The following MYOM1 variants were observed in gnomAD, a reference collection of about 807,000 sequenced individuals.
The protein encoded by MYOM1 is myomesin 1.
Under a neutral mutation model 205.3 loss-of-function variants are expected in MYOM1, and 164 were observed. The ratio of observed to expected loss-of-function variants is 0.80; its 90% CI spans 0.70 to 0.91. The LOEUF is 0.91. MYOM1 is among the 40% of genes least tolerant of loss of function. MYOM1 has a pLI of 0.00. For missense variants in MYOM1, 2,011 were observed against 2,127.3 expected, an observed-to-expected ratio of 0.95 and a Z score of 1.08; for synonymous variants, 772 against 789.4, an observed-to-expected ratio of 0.98 and a Z score of 0.37.
chr18:3,203,193 A>G (rs1032979457), intron 2 of MYOM1, among the ~76,000 whole-genome samples: 1 of 151,194 alleles, frequency 6.6e-6, no homozygotes, highest in African/African-American at 2.4e-5. Flanking sequence ...ATTAGAAAAG[A>G]AGATCTCAAA....
chr18:3,200,353 C>T (rs2081049852), intron 2 of MYOM1, among the ~76,000 whole-genome samples: 1 of 152,144 alleles, frequency 6.6e-6, no homozygotes, highest in South Asian at 2.1e-4. Flanking sequence ...ATGTAACCCA[C>T]ACCAATGGGA....
intron 10 of MYOM1, among the ~76,000 whole-genome samples, chr18:3,155,596 A>G (rs1196839923): frequency 1.3e-5 from 2 of 152,188 alleles, no homozygotes; most frequent in East Asian, 1.9e-4. Context: ...TTGTGTCAGA[A>G]AATAGAAAGT....
At chr18:3,245,144 T>C in the MYOM1 span, among the ~76,000 whole-genome samples, 1 of 152,208 alleles carries the variant, frequency 6.6e-6, no homozygotes. Flanking sequence ...CAGTGTGTAG[T>C]ATTTTGTATG....
rs567083538 is a variant in MYOM1 at position 3,114,489 on chromosome 18, C to A, written c.3303+1842G>T. ...GCCTCCCTGGTTCAAGCAATCCTCCCATCTCAGCCTCCTGAGTAGCTGGGA... is the reference window on the plus strand; with the variant it reads ...GCCTCCCTGGTTCAAGCAATCCTCCAATCTCAGCCTCCTGAGTAGCTGGGA... On this transcript the variant is annotated intron_variant, in intron 21 of 37. Transcript: ENST00000356443. Among the ~76,000 whole-genome samples the A allele has an allele frequency of 5.9e-5, 9 of 151,534 alleles. No individual in the cohort carries two copies. In the South Asian group the frequency reaches 1.9e-3, roughly 32 times the overall value.
chr18:3,218,296 T>TA (rs1459182786), intron 1 of MYOM1, among the ~76,000 whole-genome samples: 1 of 152,254 alleles, frequency 6.6e-6, no homozygotes, highest in African/African-American at 2.4e-5. Flanking sequence ...ATGTCATTTT[T>TA]AAAAAAATTC....
intron 10 of MYOM1, among the ~76,000 whole-genome samples, chr18:3,159,458 T>C (rs2144028161): frequency 6.6e-6 from 1 of 152,344 alleles, no homozygotes; most frequent in South Asian, 2.1e-4. Context: ...GGCAGTTTCT[T>C]ACAAAGTTAA....
rs1172914227 is a variant in MYOM1 at position 3,120,124 on chromosome 18, C to T, written c.2992-129G>A. On this transcript the variant is annotated intron_variant, in intron 19 of 37. Transcript: ENST00000356443. ...TAGGGTGACCCTCAATGAGTCACAC[C>T]CCTTTTGTAATCTCCTGGGTGTGGA... is the stretch of plus-strand genomic sequence containing the variant. The T allele has an allele frequency of 9.6e-6, 12 of 1,254,102 alleles. No homozygotes were observed. In the South Asian group the frequency reaches 1.6e-4, roughly 17 times the overall value. The allele number at this position is 1,254,102 out of a possible 1,614,324, so 77.7% of individuals were successfully genotyped here.
In MYOM1 at chr18:3,100,377, A is replaced by G; in HGVS notation, c.3625T>C (p.Ser1209Pro). The G allele has an allele frequency of 6.2e-7, 1 of 1,613,984 alleles. No individual in the cohort carries two copies. Among genetic ancestry groups the G allele is most frequent in the East Asian group, 2.2e-5 (1 of 44,878 alleles). ...CCATCAGTGTCTGTTACATCGCAAGAGTAAATACCCAAGTCATCCATCCCA... is the reference window on the plus strand; with the variant it reads ...CCATCAGTGTCTGTTACATCGCAAGGGTAAATACCCAAGTCATCCATCCCA... ...DLGMDDLGIY[S>P]CDVTDTDGIA... The change falls in exon 24 of 38, where the codon TCT (serine) becomes CCT (proline). Residue 1209 changes from serine (S) to proline (P), a missense_variant. By Grantham distance (74) the Ser-to-Pro change is moderately conservative. Transcript: ENST00000356443.
intron 26 of MYOM1, among the ~76,000 whole-genome samples, chr18:3,092,851 T>G (rs1022895560): frequency 6.6e-6 from 1 of 152,130 alleles, no homozygotes; most frequent in Non-Finnish European, 1.5e-5. Flanking sequence ...CTAAGAAACT[T>G]AAGAGAGCAG....
At chr18:3,083,595 A>ATTTTTTTTTTTTTT (rs59299057) in intron 33 of MYOM1, among the ~76,000 whole-genome samples, 194 bp downstream of exon 33, 1 of 107,152 alleles carries the variant, frequency 9.3e-6, no homozygotes, top group African/African-American at 3.5e-5. Context: ...CGCCCAGCTC[A>ATTTTTTTTTTTTTT]TTTTTTTTTT....
the MYOM1 span, among the ~76,000 whole-genome samples, chr18:3,232,935 T>C: frequency 3.3e-5 from 5 of 152,226 alleles, no homozygotes; most frequent in Non-Finnish European, 5.9e-5. Flanking sequence ...CGTAGTACAA[T>C]CTGATTTGGA....
intron 13 of MYOM1, among the ~76,000 whole-genome samples, chr18:3,142,543 T>C (rs547543175): frequency 1.1e-4 from 16 of 152,232 alleles, no homozygotes; most frequent in African/African-American, 3.9e-4. Context: ...ATTGCTGGGA[T>C]TACAGGTGTG....
chr18:3,193,995 A>C (rs1333462824), intron 2 of MYOM1, 37 bp from the exon 3 acceptor site: 2 of 1,600,430 alleles, frequency 1.2e-6, no homozygotes, highest in African/African-American at 2.7e-5. Context: ...AGTAACAAAA[A>C]AAGGCATTTA....
chr18:3,215,062 G>A lies in MYOM1; in HGVS notation c.162C>T (p.His54=). 1 of 1,613,522 alleles carries A rather than the reference G, an allele frequency of 6.2e-7. No individual in the cohort carries two copies. Among genetic ancestry groups the A allele is most frequent in the Non-Finnish European group, 8.5e-7 (1 of 1,179,786 alleles). Residue 54 remains histidine (H), a synonymous_variant, in exon 2 of 38, where the codon CAC becomes CAT. Coordinates refer to ENST00000356443, the MANE Select transcript of MYOM1 (RefSeq NM_003803.4). ...TAYSSRSSAA[H]RRESEAFRRA... ...GACGGAAGGCCTCGGACTCCCGGCGGTGCGCGGCGGAGGAGCGGCTGCTGT... is the reference window on the plus strand; with the variant it reads ...GACGGAAGGCCTCGGACTCCCGGCGATGCGCGGCGGAGGAGCGGCTGCTGT...
At chr18:3,170,424 A>G (rs2080540290) in intron 8 of MYOM1, among the ~76,000 whole-genome samples, 2 of 152,222 alleles carry the variant, frequency 1.3e-5, no homozygotes, top group Admixed American at 6.5e-5. Flanking sequence ...ATAAAAATAA[A>G]AATAATTTTA....
In MYOM1 at chr18:3,200,201, C is replaced by A. The variant is rs2081047795; in HGVS notation, c.291-6243G>T. Reference sequence around the variant, plus strand: ...AAACAAAAACAAAAACAAAAAAACCCAAAAAACAAAAAACAAAACCAAAAT... The same window carrying A: ...AAACAAAAACAAAAACAAAAAAACCAAAAAAACAAAAAACAAAACCAAAAT... On this transcript the variant is annotated intron_variant, in intron 2 of 37. Transcript: ENST00000356443. Among the ~76,000 whole-genome samples the A allele has an allele frequency of 3.3e-5, 5 of 151,788 alleles. No homozygotes were observed. The South Asian group carries it at 1.0e-3, about 32-fold the overall frequency.
At chr18:3,094,395 C>G in intron 25 of MYOM1, 89 bp from the exon 26 acceptor site, 4 of 961,488 alleles carry the variant, frequency 4.2e-6, no homozygotes, top group Non-Finnish European at 5.8e-6. Context: ...AAAAAAAAAA[C>G]CACACAATGG....
intron 8 of MYOM1, among the ~76,000 whole-genome samples, chr18:3,173,404 T>C (rs2080588190): frequency 1.3e-5 from 2 of 152,134 alleles, no homozygotes; most frequent in South Asian, 4.1e-4. Context: ...GGTAACAGTG[T>C]ACAGCCTCAC....
At chr18:3,145,709 C>G (rs2080113587) in intron 13 of MYOM1, among the ~76,000 whole-genome samples, 1 of 151,638 alleles carries the variant, frequency 6.6e-6, no homozygotes, top group African/African-American at 2.4e-5. Context: ...TCAGCTTCTA[C>G]CTTAAGAAAC....
Sources: gnomAD v4.1 joint callset for allele counts (sites outside exome capture counted in the v4.1 genomes callset) on GRCh38, gnomAD v4.1.1 for gene constraint, MANE v1.5 for transcripts, NCBI Gene and HGNC (gene_info 2026-07-23, HGNC 2026-07-21) for gene names.